MACROD2: variants seen among roughly 807,000 people sequenced by gnomAD.
The protein encoded by MACROD2 is ADP-ribose glycohydrolase MACROD2.
In MACROD2, 36 loss-of-function variants were observed where a neutral mutation model predicts 70.4. The observed-to-expected ratio is 0.51, with a 90% CI of 0.39 to 0.68. The LOEUF is 0.68. Ranked by LOEUF, MACROD2 falls within the 30% of genes least tolerant of loss-of-function variation. The probability of loss-of-function intolerance (pLI) is 0.00; values close to 1 mark genes in which losing one functional copy is unlikely to be tolerated. For missense variants in MACROD2, 496 were observed against 538.4 expected (o/e 0.92, Z 0.78); for synonymous variants, 172 against 178.8 (o/e 0.96, Z 0.30).
At chr20:14,643,714 G>A (rs1039723527) in intron 4 of MACROD2, among the ~76,000 whole-genome samples, 3 of 152,184 alleles carry the variant, frequency 2.0e-5, no homozygotes, top group Non-Finnish European at 4.4e-5. Flanking sequence ...ATGTGGTTTA[G>A]CTTGTTACTT....
intron 5 of MACROD2, among the ~76,000 whole-genome samples, chr20:15,088,631 A>G (rs535474833): frequency 3.0e-4 from 46 of 151,736 alleles, no homozygotes; most frequent in African/African-American, 1.1e-3. Flanking sequence ...TCACTTATAC[A>G]TTTACATGGG....
At chr20:14,332,458 T>C (rs981938823) in intron 3 of MACROD2, among the ~76,000 whole-genome samples, 1 of 152,138 alleles carries the variant, frequency 6.6e-6, no homozygotes, top group Non-Finnish European at 1.5e-5. Context: ...TCTTATGTTT[T>C]GAGAATATTA....
intron 5 of MACROD2, among the ~76,000 whole-genome samples, chr20:15,166,349 G>A (rs2076383819): frequency 6.6e-6 from 1 of 152,148 alleles, no homozygotes; most frequent in South Asian, 2.1e-4. Flanking sequence ...CCTTATGAAA[G>A]AGACCACAGA....
intron 10 of MACROD2, among the ~76,000 whole-genome samples, chr20:15,890,243 ACCCACTCCCCAGGAATT>A (rs1469212079): frequency 6.6e-6 from 1 of 152,134 alleles, no homozygotes; most frequent in Admixed American, 6.6e-5. Flanking sequence ...TTTAAATAGT[ACCCACTCCCCAGGAATT>A]CCCATTCTGG....
At chr20:14,248,361 A>G (rs2081984272) in intron 3 of MACROD2, among the ~76,000 whole-genome samples, 1 of 152,152 alleles carries the variant, frequency 6.6e-6, no homozygotes, top group African/African-American at 2.4e-5. Context: ...AGGCAGGTGG[A>G]TCACCTGAGA....
chr20:15,352,992 G>GA (rs1438120844), intron 6 of MACROD2, among the ~76,000 whole-genome samples: 5 of 151,696 alleles, frequency 3.3e-5, no homozygotes, highest in Admixed American at 6.6e-5. Flanking sequence ...CACAGAATTG[G>GA]AAAAAACTAC....
chr20:15,244,445 A>G (rs2077087758), intron 6 of MACROD2, among the ~76,000 whole-genome samples: 1 of 152,200 alleles, frequency 6.6e-6, no homozygotes, highest in Non-Finnish European at 1.5e-5. Context: ...GACAGCAGGG[A>G]TACCAGGGGA....
chr20:14,248,080 A>G (rs951828938), intron 3 of MACROD2, among the ~76,000 whole-genome samples: 17 of 147,170 alleles, frequency 1.2e-4, no homozygotes, highest in Admixed American at 7.7e-4. Context: ...TCACTGTATT[A>G]ATGATACGCC....
chr20:15,141,511 G>C (rs1184505869), intron 5 of MACROD2, among the ~76,000 whole-genome samples: 1 of 152,162 alleles, frequency 6.6e-6, no homozygotes, highest in Admixed American at 6.5e-5. Flanking sequence ...CTCCTCTCCT[G>C]CCCTTAAATT....
intron 8 of MACROD2, among the ~76,000 whole-genome samples, chr20:15,666,118 C>A (rs2049894093): frequency 6.6e-6 from 1 of 152,164 alleles, no homozygotes; most frequent in Non-Finnish European, 1.5e-5. Flanking sequence ...CATCTGATTT[C>A]TTAAGACCTT....
chr20:14,929,120 G>A lies in MACROD2; in HGVS notation c.418+244161G>A, dbSNP rs549327683. Among the ~76,000 whole-genome samples the A allele has an allele frequency of 1.1e-4, 16 of 152,142 alleles. No individual in the cohort carries two copies. In the East Asian group the frequency reaches 1.6e-3, roughly 15 times the overall value. Reference sequence around the variant, plus strand: ...ATAACGCTTCTGACACCAAATGTGCGGATTTTCTACACATTACAATTCTCA... The same window carrying A: ...ATAACGCTTCTGACACCAAATGTGCAGATTTTCTACACATTACAATTCTCA... On this transcript the variant is annotated intron_variant, in intron 5 of 17. Transcript: ENST00000684519.
intron 5 of MACROD2, among the ~76,000 whole-genome samples, chr20:15,038,058 T>G (rs1232955989): frequency 6.6e-6 from 1 of 152,176 alleles, no homozygotes; most frequent in East Asian, 1.9e-4. Context: ...CATAAATATG[T>G]ACAATTATGT....
chr20:14,115,733 A>G (rs980023251), intron 3 of MACROD2, among the ~76,000 whole-genome samples: 36 of 152,246 alleles, frequency 2.4e-4, no homozygotes, highest in African/African-American at 8.4e-4. Flanking sequence ...AGATTTGTGT[A>G]TTTTTTCTTC....
intron 6 of MACROD2, among the ~76,000 whole-genome samples, chr20:15,250,179 C>T (rs1265614092): frequency 6.6e-6 from 1 of 152,098 alleles, no homozygotes; most frequent in Admixed American, 6.6e-5. Context: ...CCTCACCTCC[C>T]CACCACCTTC....
At chr20:15,413,762 T>G (rs1400846711) in intron 6 of MACROD2, among the ~76,000 whole-genome samples, 3 of 152,194 alleles carry the variant, frequency 2.0e-5, no homozygotes, top group Admixed American at 1.3e-4. Flanking sequence ...CTTGGAAGCC[T>G]CTCAGATCAC....
At chr20:15,351,707 T>C (rs149967360) in intron 6 of MACROD2, among the ~76,000 whole-genome samples, 6 of 152,270 alleles carry the variant, frequency 3.9e-5, no homozygotes, top group African/African-American at 1.4e-4. Flanking sequence ...AAACATGCAG[T>C]TGGTATTAGA....
intron 8 of MACROD2, among the ~76,000 whole-genome samples, chr20:15,507,035 T>C (rs1411740728): frequency 3.3e-5 from 5 of 152,198 alleles, no homozygotes; most frequent in Non-Finnish European, 7.3e-5. Flanking sequence ...CATCCTAATA[T>C]GCTGCCGTAA....
At chr20:14,062,342 C>G (rs2053700706) in intron 2 of MACROD2, among the ~76,000 whole-genome samples, 1 of 152,094 alleles carries the variant, frequency 6.6e-6, no homozygotes, top group South Asian at 2.1e-4. Flanking sequence ...TGGATCTAGC[C>G]TAGAAGTTCT....
At chr20:15,266,639 A>G (rs1191481431) in intron 6 of MACROD2, among the ~76,000 whole-genome samples, 1 of 152,182 alleles carries the variant, frequency 6.6e-6, no homozygotes, top group South Asian at 2.1e-4. Flanking sequence ...AAATGTTCCA[A>G]ATCTCAATTC....
Sources: allele counts gnomAD v4.1 joint callset (sites outside exome capture counted in the v4.1 genomes callset), GRCh38; gene constraint gnomAD v4.1.1; transcripts MANE v1.5; gene names NCBI Gene and HGNC (gene_info 2026-07-23, HGNC 2026-07-21).